PDCD11: variants seen among roughly 807,000 people sequenced by gnomAD.
PDCD11 encodes programmed cell death 11, also known as protein RRP5 homolog.
PDCD11 carries 97 observed loss-of-function variants against 198.9 expected under a neutral mutation model. The ratio of observed to expected loss-of-function variants is 0.49; its 90% CI spans 0.41 to 0.58. The LOEUF (loss-of-function observed/expected upper bound fraction) is 0.58, where lower values mean the gene tolerates loss of function less well. PDCD11 is among the 20% of genes least tolerant of loss of function. The probability of loss-of-function intolerance (pLI) is 0.00; values close to 1 mark genes in which losing one functional copy is unlikely to be tolerated. For synonymous variants in PDCD11, 893 were observed against 918.0 expected, an observed-to-expected ratio of 0.97 and a Z score of 0.49; for missense variants, 2,102 against 2,312.7, an observed-to-expected ratio of 0.91 and a Z score of 1.87.
At position 103,413,147 on chromosome 10, in the gene PDCD11, G is replaced by C. The variant is rs779814237; in HGVS notation, c.1010G>C (p.Arg337Pro). ...GCCTGCATCCTTTGCGTCCATCCTCGAACCAGAGTTGTGCACCTGAGCCTG... is the reference window on the plus strand; with the variant it reads ...GCCTGCATCCTTTGCGTCCATCCTCCAACCAGAGTTGTGCACCTGAGCCTG... Reference protein sequence around the residue: ...VRACILCVHPRTRVVHLSLRP... With the variant: ...VRACILCVHPPTRVVHLSLRP... The change falls in exon 9 of 36, where the codon CGA (arginine) becomes CCA (proline). Residue 337 changes from arginine (R) to proline (P), a missense_variant. Physicochemically the swap from Arg to Pro is moderately radical, Grantham distance 103. Coordinates refer to ENST00000369797, the MANE Select transcript of PDCD11 (RefSeq NM_014976.2). 9.3e-6 allele frequency: 15 copies of C among 1,613,950 alleles called. No individual in the cohort carries two copies. The African/African-American group carries it at 1.6e-4, about 17-fold the overall frequency.
chr10:103,418,695 G>A, intron 15 of PDCD11, 61 bp downstream of exon 15: 1 of 1,383,840 alleles, frequency 7.2e-7, no homozygotes, highest in Non-Finnish European at 1.0e-6. Context: ...GCTTGGATGG[G>A]AAATTCTGGG....
intron 21 of PDCD11, among the ~76,000 whole-genome samples, chr10:103,430,923 C>A (rs559211781): frequency 2.6e-5 from 4 of 151,918 alleles, no homozygotes; most frequent in African/African-American, 9.7e-5. Flanking sequence ...CTCAGCCTCC[C>A]GAATAGCTGG....
At position 103,423,135 on chromosome 10, in the gene PDCD11, C is replaced by A; in HGVS notation, c.2645C>A (p.Ala882Glu). Residue 882 changes from alanine to glutamate, a missense_variant and splice_region_variant, in exon 18 of 36, where the codon GCA becomes GAA. Transcript: ENST00000369797. ...CTGAAAGCCAGCAGATACCATCGCG[C>A]AGGTGAGTGCTTCTGTCTTACCCAT... Reference protein sequence around the residue: ...LVLKASRYHRAGQEVESGQKK... With the variant: ...LVLKASRYHREGQEVESGQKK... The A allele has an allele frequency of 6.4e-7, 1 of 1,569,922 alleles. No homozygotes were observed. Among genetic ancestry groups the A allele is most frequent in the Admixed American group, 1.9e-5 (1 of 53,286 alleles).
In PDCD11 at chr10:103,417,863, T is replaced by C; in HGVS notation, c.1842T>C (p.Ser614=). 1 of 1,614,074 alleles carries C rather than the reference T, an allele frequency of 6.2e-7. No homozygotes were observed. Among genetic ancestry groups the C allele is most frequent in the Non-Finnish European group, 8.5e-7 (1 of 1,180,006 alleles). Residue 614 remains serine (S), a synonymous_variant, in exon 14 of 36, where the codon AGT becomes AGC. Transcript: ENST00000369797. ...TGCTCTTATCCTTCAAGCTGTCGAG[T>C]GATCCAGAGCCAAAGAAAGAGCCTG... ...ERMLLSFKLS[S]DPEPKKEPAG...
At chr10:103,414,426 C>T in intron 11 of PDCD11, 96 bp downstream of exon 11, 1 of 809,070 alleles carries the variant, frequency 1.2e-6, no homozygotes, top group East Asian at 2.6e-5. Flanking sequence ...CTCATGTTAA[C>T]ACATTGAATG....
chr10:103,421,522 T>C lies in PDCD11; in HGVS notation c.2452T>C (p.Cys818Arg), dbSNP rs1592128267. 1 of 1,580,832 alleles carries C rather than the reference T, an allele frequency of 6.3e-7. No individual in the cohort carries two copies. Among genetic ancestry groups the C allele is most frequent in the South Asian group, 1.2e-5 (1 of 86,746 alleles). The change falls in exon 17 of 36, where the codon TGC becomes CGC. Residue 818 changes from cysteine to arginine, a missense_variant. Coordinates refer to ENST00000369797, the MANE Select transcript of PDCD11 (RefSeq NM_014976.2). ...CACCAGCCTCCTCCTCCTGAATCAGTGCCTGGAGGAGCTGCAGGGCGTGCG... is the reference window on the plus strand; with the variant it reads ...CACCAGCCTCCTCCTCCTGAATCAGCGCCTGGAGGAGCTGCAGGGCGTGCG... ...AITSLLLLNQCLEELQGVRSL... is the reference protein window; with the variant it reads ...AITSLLLLNQRLEELQGVRSL...
chr10:103,398,717 A>G (rs1312981436), intron 2 of PDCD11, among the ~76,000 whole-genome samples, 189 bp downstream of exon 2: 1 of 152,228 alleles, frequency 6.6e-6, no homozygotes, highest in Non-Finnish European at 1.5e-5. Flanking sequence ...CTTGGCATTT[A>G]GTATTAAAGT....
At chr10:103,431,629 C>G (rs1174754656) in intron 21 of PDCD11, among the ~76,000 whole-genome samples, 1 of 107,476 alleles carries the variant, frequency 9.3e-6, no homozygotes, top group Non-Finnish European at 1.9e-5. Context: ...TAAATGAATG[C>G]TCATTTTATT....
chr10:103,432,076 G>A, intron 21 of PDCD11, 53 bp from the exon 22 acceptor site: 4 of 1,369,896 alleles, frequency 2.9e-6, no homozygotes, highest in South Asian at 2.3e-5. Flanking sequence ...GTTTCAAACT[G>A]GAAGTCTTAT....
At chr10:103,437,075 A>C (rs1004928696) in intron 25 of PDCD11, among the ~76,000 whole-genome samples, 1 of 152,202 alleles carries the variant, frequency 6.6e-6, no homozygotes, top group Non-Finnish European at 1.5e-5. Flanking sequence ...GATCTAACAC[A>C]GAGCTGGTTC....
rs1331909797 is a variant in PDCD11, at chr10:103,445,657, C to T, written c.*108C>T. The T allele has an allele frequency of 1.2e-6, 1 of 850,266 alleles. No homozygotes were observed. Among genetic ancestry groups the T allele is most frequent in the Non-Finnish European group, 1.8e-6 (1 of 553,264 alleles). The allele number at this position is 850,266 out of a possible 1,614,324, so 52.7% of individuals were successfully genotyped here. On this transcript the variant is annotated 3_prime_UTR_variant, in exon 36 of 36. Coordinates refer to ENST00000369797, the MANE Select transcript of PDCD11 (RefSeq NM_014976.2). Reference sequence around the variant, plus strand: ...ACCTCAGGACTCTATTTAAATGCTGCTTTTTCTGCAGCACGCTTGGGGAAA... The same window carrying T: ...ACCTCAGGACTCTATTTAAATGCTGTTTTTTCTGCAGCACGCTTGGGGAAA...
intron 25 of PDCD11, among the ~76,000 whole-genome samples, chr10:103,436,924 T>C (rs2032176743): frequency 2.0e-5 from 3 of 152,228 alleles, no homozygotes; most frequent in Non-Finnish European, 1.5e-5. Context: ...TGTTTAGAGA[T>C]GCAACCCTGC....
At chr10:103,408,641 A>G (rs897317110) in intron 7 of PDCD11, among the ~76,000 whole-genome samples, 3 of 152,020 alleles carry the variant, frequency 2.0e-5, no homozygotes, top group Non-Finnish European at 4.4e-5. Flanking sequence ...TCCAGGTTCA[A>G]GTGATTCTCC....
chr10:103,424,150 C>G (rs1188124709), intron 19 of PDCD11, among the ~76,000 whole-genome samples: 2 of 152,214 alleles, frequency 1.3e-5, no homozygotes, highest in Non-Finnish European at 2.9e-5. Flanking sequence ...AGCCAAACAG[C>G]ATGTCTGTGG....
chr10:103,437,927 C>A lies in PDCD11; in HGVS notation c.3846-88C>A, dbSNP rs114447078. Reference sequence around the variant, plus strand: ...TCCTGTCTCCTCACTCCTGCCTATTCGTCAGCCTGGAGGAGAGGAAGCTGA... The same window carrying A: ...TCCTGTCTCCTCACTCCTGCCTATTAGTCAGCCTGGAGGAGAGGAAGCTGA... On this transcript the variant is annotated intron_variant, in intron 25 of 35. Transcript: ENST00000369797. 4,149 of 1,023,134 alleles carry A rather than the reference C, an allele frequency of 4.1e-3. 71 individuals are homozygous for A. In the African/African-American group the frequency reaches 0.049, roughly 12 times the overall value. The allele number at this position is 1,023,134 out of a possible 1,614,324, so 63.4% of individuals were successfully genotyped here.
In PDCD11 at chr10:103,425,414, C is replaced by G; in HGVS notation, c.3194C>G (p.Ala1065Gly). 1 of 1,614,042 alleles carries G rather than the reference C, an allele frequency of 6.2e-7. No individual in the cohort carries two copies. Among genetic ancestry groups the G allele is most frequent in the Non-Finnish European group, 8.5e-7 (1 of 1,179,976 alleles). Reference protein sequence around the residue: ...LEDGIIGCIHASHILDDVPEG... With the variant: ...LEDGIIGCIHGSHILDDVPEG... ...GATGGCATTATTGGCTGTATCCATG[C>G]CTCCCACATTCTAGATGATGTTCCA... is the stretch of plus-strand genomic sequence containing the variant. Residue 1065 changes from alanine (A) to glycine (G), a missense_variant, in exon 20 of 36, where the codon GCC becomes GGC. Ala to Gly is a moderately conservative substitution (Grantham distance 60, BLOSUM62 0). Coordinates refer to ENST00000369797, the MANE Select transcript of PDCD11 (RefSeq NM_014976.2).
At chr10:103,420,218 G>A (rs1322107916) in intron 16 of PDCD11, among the ~76,000 whole-genome samples, 1 of 152,058 alleles carries the variant, frequency 6.6e-6, no homozygotes, top group African/African-American at 2.4e-5. Context: ...TCGCCCAGCT[G>A]TGTGACCATC....
intron 27 of PDCD11, among the ~76,000 whole-genome samples, chr10:103,439,367 T>C (rs992522844): frequency 6.6e-5 from 10 of 152,154 alleles, no homozygotes; most frequent in African/African-American, 2.4e-4. Flanking sequence ...AATTAAAAAA[T>C]ACATAAATGT....
At chr10:103,418,048 A>G in intron 14 of PDCD11, 116 bp downstream of exon 14, 1 of 1,197,228 alleles carries the variant, frequency 8.4e-7, no homozygotes, top group East Asian at 2.3e-5. Context: ...GCTAGATAAG[A>G]TTTTGGGGCT....
Sources: allele counts gnomAD v4.1 joint callset (sites outside exome capture counted in the v4.1 genomes callset), GRCh38; gene constraint gnomAD v4.1.1; transcripts MANE v1.5; gene names NCBI Gene and HGNC (gene_info 2026-07-23, HGNC 2026-07-21).